The following NAV1 variants were observed in gnomAD, a reference collection of about 807,000 sequenced individuals.
NAV1 encodes neuron navigator 1.
Under a neutral mutation model 175.2 loss-of-function variants are expected in NAV1, and 18 were observed. The ratio of observed to expected loss-of-function variants is 0.10; its 90% CI spans 0.07 to 0.15. NAV1 has a LOEUF of 0.15. Ranked by LOEUF, NAV1 falls within the 10% of genes least tolerant of loss-of-function variation. The probability of loss-of-function intolerance (pLI) is 1.00; values close to 1 mark genes in which losing one functional copy is unlikely to be tolerated. For missense variants in NAV1, 1,731 were observed against 2,436.6 expected (o/e 0.71, Z 6.10); for synonymous variants, 897 against 978.7 (o/e 0.92, Z 1.56).
intron 1 of NAV1, among the ~76,000 whole-genome samples, chr1:201,656,533 G>A (rs531347304): frequency 1.3e-5 from 2 of 152,298 alleles, no homozygotes; most frequent in South Asian, 2.1e-4. Context: ...GGAAGATAGC[G>A]AATGTTGAGA....
chr1:201,790,429 C>T (rs1677041074), intron 11 of NAV1, 125 bp from the exon 16 acceptor site: 2 of 1,056,542 alleles, frequency 1.9e-6, no homozygotes, highest in Non-Finnish European at 1.4e-6. Context: ...GAGTTTCAGC[C>T]TCTCTGCACC....
At chr1:201,822,404 G>C (rs1269313755) in exon 30 of NAV1, 2 of 152,646 alleles carry the variant, frequency 1.3e-5, no homozygotes, top group Non-Finnish European at 2.9e-5. Context: ...TTAATCTGAT[G>C]GTTGAGCGCT....
chr1:201,607,047 A>G (rs1333314891), intron 2 of NAV1, among the ~76,000 whole-genome samples: 1 of 152,146 alleles, frequency 6.6e-6, no homozygotes, highest in African/African-American at 2.4e-5. Context: ...GCACTGTTAT[A>G]CATAATAGTG....
intron 2 of NAV1, among the ~76,000 whole-genome samples, chr1:201,639,850 G>T (rs1000997128): frequency 6.6e-6 from 1 of 152,178 alleles, no homozygotes; most frequent in Non-Finnish European, 1.5e-5. Flanking sequence ...TTGTTTACTT[G>T]TGTGACTAGA....
intron 13 of NAV1, 113 bp from the exon 18 acceptor site, chr1:201,793,679 G>A: frequency 1.2e-6 from 1 of 850,626 alleles, no homozygotes; most frequent in Non-Finnish European, 1.9e-6. Flanking sequence ...AGGTTTGCTG[G>A]CATTGGTCAG....
chr1:201,798,564 G>A (rs1276970648), intron 15 of NAV1: 1 of 143,168 alleles, frequency 7.0e-6, no homozygotes, highest in East Asian at 2.1e-4. Context: ...GTGAGCCACA[G>A]TGGTTGCACT....
chr1:201,713,151 T>C lies in NAV1; in HGVS notation c.860+232T>C, dbSNP rs527851571. On this transcript the variant is annotated intron_variant, in intron 2 of 29. Coordinates refer to ENST00000367296, the Ensembl canonical transcript of NAV1. ...TTTCATTTCATTTCAGCAAATCAGC[T>C]TGAAAATCACTAGCTTAGGAGCCAG... Among the ~76,000 whole-genome samples the C allele has an allele frequency of 5.9e-5, 9 of 152,302 alleles. No homozygotes were observed. The South Asian group carries it at 1.9e-3, about 32-fold the overall frequency.
In NAV1 at chr1:201,676,577, A is replaced by G. The variant is rs371766197; in HGVS notation, c.757+27152A>G. On this transcript the variant is annotated intron_variant, in intron 1 of 29. Transcript: ENST00000367296. ...GAGCTGACTCGCAGGAAATAGTTTC[A>G]CCCCAGTGGTCCAGGCTGGGGTTCC... 1.9e-4 allele frequency among the ~76,000 whole-genome samples: 28 copies of G among 150,570 alleles called. No homozygotes were observed. In the East Asian group the frequency reaches 4.8e-3, roughly 26 times the overall value.
At chr1:201,678,113 G>T (rs1036164857) in intron 1 of NAV1, among the ~76,000 whole-genome samples, 1 of 152,168 alleles carries the variant, frequency 6.6e-6, no homozygotes, top group Non-Finnish European at 1.5e-5. Context: ...AATGTATCCT[G>T]CCAAATGTGA....
At chr1:201,564,784 A>G (rs1666303932) in intron 1 of NAV1, among the ~76,000 whole-genome samples, 1 of 152,184 alleles carries the variant, frequency 6.6e-6, no homozygotes, top group African/African-American at 2.4e-5. Flanking sequence ...CTGTGTTCCT[A>G]CCTGGAGGAT....
chr1:201,787,002 G>A lies in NAV1; in HGVS notation c.2995+425G>A, dbSNP rs980313733. Among the ~76,000 whole-genome samples, 8 of 152,318 alleles carry A rather than the reference G, an allele frequency of 5.3e-5. No individual in the cohort carries two copies. Among genetic ancestry groups the A allele is most frequent in the Admixed American group, 4.6e-4 (7 of 15,300 alleles). On this transcript the variant is annotated intron_variant, in intron 9 of 29. Transcript: ENST00000367296. The surrounding 1 kb of genome is among the most constrained non-coding windows in gnomAD (Gnocchi z 4.3). Reference sequence around the variant, plus strand: ...GGAAAGGTTGTTGATTGCCAAGGACGAGATCTGCCTCCAAACTCAGCCAAG... The same window carrying A: ...GGAAAGGTTGTTGATTGCCAAGGACAAGATCTGCCTCCAAACTCAGCCAAG...
At chr1:201,634,099 C>T (rs1668550256) in intron 2 of NAV1, among the ~76,000 whole-genome samples, 1 of 152,228 alleles carries the variant, frequency 6.6e-6, no homozygotes, top group Non-Finnish European at 1.5e-5. Flanking sequence ...ACAGCTTCCT[C>T]ACTTGCTAGC....
At position 201,539,952 on chromosome 1, in the gene NAV1, A is replaced by G. The variant is rs1665457001; in HGVS notation, c.-144+610A>G. On this transcript the variant is annotated intron_variant, in intron 1 of 33. Transcript: ENST00000685211. The surrounding 1 kb of genome is among the most constrained non-coding windows in gnomAD (Gnocchi z 5.6). ...GCCCGCCCAGTGCGTCTGGGAGCGG[A>G]GAAAGTGGTCCCGGAGGAGAGGGGA... Among the ~76,000 whole-genome samples, 1 of 152,168 alleles carries G rather than the reference A, an allele frequency of 6.6e-6. No homozygotes were observed. Among genetic ancestry groups the G allele is most frequent in the East Asian group, 1.9e-4 (1 of 5,180 alleles).
In NAV1 at chr1:201,808,464, G is replaced by A. The variant is rs1368378980; in HGVS notation, c.3892G>A (p.Glu1298Lys). Residue 1298 changes from glutamate to lysine, a missense_variant, in exon 19 of 30, where the codon GAG (glutamate) becomes AAG (lysine). Transcript: ENST00000367296. The surrounding 1 kb of genome is among the most constrained non-coding windows in gnomAD (Gnocchi z 5.5). ...CCACACTAGGCTGTTCCATGCAAAT[G>A]AGGAGGAGGAGCCAGAGAAGAAGGA... 1 of 1,614,048 alleles carries A rather than the reference G, an allele frequency of 6.2e-7. No homozygotes were observed.
At chr1:201,653,632 G>A (rs919996906) in intron 1 of NAV1, among the ~76,000 whole-genome samples, 4 of 152,136 alleles carry the variant, frequency 2.6e-5, no homozygotes, top group Non-Finnish European at 5.9e-5. Flanking sequence ...GCTGGGGTGG[G>A]TAGAGAATTC....
chr1:201,734,450 GA>G (rs1673003693), intron 3 of NAV1, among the ~76,000 whole-genome samples: 1 of 78,238 alleles, frequency 1.3e-5, no homozygotes, highest in Admixed American at 1.4e-4. Flanking sequence ...AGAAGAAGAA[GA>G]GGAGGAGGAG....
intron 2 of NAV1, among the ~76,000 whole-genome samples, chr1:201,593,596 G>A (rs1474038533): frequency 1.3e-5 from 2 of 152,142 alleles, no homozygotes; most frequent in Non-Finnish European, 2.9e-5. Flanking sequence ...TTCTGGTTCT[G>A]TCTTTTCTCA....
intron 1 of NAV1, among the ~76,000 whole-genome samples, chr1:201,667,710 A>G (rs1026254423): frequency 2.0e-5 from 3 of 151,884 alleles, no homozygotes; most frequent in African/African-American, 7.3e-5. Flanking sequence ...TAACAAACTC[A>G]CCTCTCCCTC....
chr1:201,642,490 G>T (rs1668800668), intron 2 of NAV1, among the ~76,000 whole-genome samples: 1 of 124,552 alleles, frequency 8.0e-6, no homozygotes, highest in Non-Finnish European at 1.8e-5. Context: ...GGGATTACAG[G>T]TGTGAGCCAC....
Sources: allele counts gnomAD v4.1 joint callset (sites outside exome capture counted in the v4.1 genomes callset), GRCh38; gene constraint gnomAD v4.1.1; non-coding constraint Gnocchi (gnomAD v3.1); transcripts MANE v1.5; gene names NCBI Gene and HGNC (gene_info 2026-07-23, HGNC 2026-07-21).